Variants in MALRD1 observed in about 807,000 individuals in gnomAD.
The protein encoded by MALRD1 is MAM and LDL-receptor class A domain-containing protein 1.
A neutral mutation model predicts 242.1 loss-of-function variants in MALRD1; 247 were observed. That is an observed-to-expected ratio of 1.02 (90% confidence interval 0.92 to 1.13). The LOEUF (loss-of-function observed/expected upper bound fraction) is 1.13. Among genes scored for constraint, MALRD1 ranks in the 50% most tolerant of loss-of-function variants. The pLI is 0.00. For missense variants in MALRD1, 2,989 were observed against 2,533.1 expected (o/e 1.18, Z -3.86); for synonymous variants, 995 against 866.6 (o/e 1.15, Z -2.60).
chr10:19,191,219 C>A (rs144196950), intron 14 of MALRD1, among the ~76,000 whole-genome samples: 25 of 152,066 alleles, frequency 1.6e-4, no homozygotes, highest in East Asian at 7.7e-4. Flanking sequence ...AAAAGATGTC[C>A]AACATCACCA....
chr10:19,564,455 C>A (rs1022762519), intron 32 of MALRD1, among the ~76,000 whole-genome samples: 6 of 151,936 alleles, frequency 3.9e-5, no homozygotes, highest in African/African-American at 1.4e-4. Flanking sequence ...ATAACATAAA[C>A]TCTACTATAA....
In MALRD1 at chr10:19,674,651, A is replaced by G. The variant is rs1842061846; in HGVS notation, c.6138-17631A>G. ...CTTACTGGAAATAAGAGGCCAGAAT[A>G]TACATTTGAAAGGAAAAATTTTTCA... On this transcript the variant is annotated intron_variant, in intron 36 of 39. Coordinates refer to ENST00000454679, the MANE Select transcript of MALRD1 (RefSeq NM_001142308.3). Among the ~76,000 whole-genome samples the G allele has an allele frequency of 1.3e-5, 2 of 152,218 alleles. 1 individual carries two copies. Among genetic ancestry groups the G allele is most frequent in the South Asian group, 4.1e-4 (2 of 4,832 alleles).
intron 19 of MALRD1, among the ~76,000 whole-genome samples, chr10:19,276,482 A>G (rs1365776170): frequency 6.6e-6 from 1 of 152,142 alleles, no homozygotes; most frequent in Non-Finnish European, 1.5e-5. Flanking sequence ...CAACCTGGCC[A>G]TTGAATGTTT....
chr10:19,469,221 G>A (rs1444936167), intron 29 of MALRD1, among the ~76,000 whole-genome samples: 1 of 152,026 alleles, frequency 6.6e-6, no homozygotes, highest in African/African-American at 2.4e-5. Flanking sequence ...AAAATAAGAT[G>A]TTCCCCTTAG....
chr10:19,048,898 C>G lies in MALRD1; in HGVS notation c.-41C>G. On this transcript the variant is annotated 5_prime_UTR_variant, in exon 1 of 40. Coordinates refer to ENST00000454679, the MANE Select transcript of MALRD1 (RefSeq NM_001142308.3). ...AAGAATGTTTCCAATGATGGACTTA[C>G]TTATTACAACTGCTTGATCTCTAAT... The G allele has an allele frequency of 8.3e-7, 1 of 1,209,262 alleles. No homozygotes were observed. Among genetic ancestry groups the G allele is most frequent in the South Asian group, 4.2e-5 (1 of 23,888 alleles). The allele number at this position is 1,209,262 out of a possible 1,614,324, so 74.9% of individuals were successfully genotyped here. A position where few individuals can be genotyped will look rare whatever the true frequency, so the allele number is the denominator to read the frequency against.
intron 4 of MALRD1, among the ~76,000 whole-genome samples, chr10:19,096,829 G>T (rs991255046): frequency 1.3e-5 from 2 of 152,150 alleles, no homozygotes; most frequent in South Asian, 4.1e-4. Context: ...AGGCGATTTC[G>T]GTCCCAGCTG....
intron 2 of MALRD1, among the ~76,000 whole-genome samples, chr10:19,069,437 A>C (rs1018055972): frequency 2.0e-5 from 3 of 152,038 alleles, no homozygotes; most frequent in African/African-American, 7.2e-5. Context: ...AGCATTAAAA[A>C]TAGATTTAAA....
intron 18 of MALRD1, among the ~76,000 whole-genome samples, chr10:19,238,872 C>A (rs1838625273): frequency 6.6e-6 from 1 of 151,400 alleles, no homozygotes; most frequent in African/African-American, 2.4e-5. Flanking sequence ...TTCTCCACTT[C>A]CTTGCCAACT....
chr10:19,081,432 C>T (rs183154303), intron 2 of MALRD1, among the ~76,000 whole-genome samples: 4 of 152,086 alleles, frequency 2.6e-5, no homozygotes, highest in East Asian at 1.9e-4. Flanking sequence ...TTTTATGCAG[C>T]CATAAAAAGG....
Position 19,203,795 on chromosome 10 carries a change from C to T in MALRD1, c.2019C>T (p.Asp673=). Residue 673 remains aspartate (D), a synonymous_variant, in exon 15 of 40, where the codon GAC becomes GAT. Coordinates refer to ENST00000454679, the MANE Select transcript of MALRD1 (RefSeq NM_001142308.3). The part of the protein sequence containing the change: ...WFEAISGDHF[D]WIRSSQSELS... Reference sequence around the variant, plus strand: ...AAGCAATTAGTGGTGACCATTTTGACTGGATACGGAGCTCTCAGAGTGAAC... The same window carrying T: ...AAGCAATTAGTGGTGACCATTTTGATTGGATACGGAGCTCTCAGAGTGAAC... 1.9e-6 allele frequency: 3 copies of T among 1,550,596 alleles called. No individual in the cohort carries two copies. Among genetic ancestry groups the T allele is most frequent in the Non-Finnish European group, 2.6e-6 (3 of 1,146,918 alleles).
intron 33 of MALRD1, among the ~76,000 whole-genome samples, chr10:19,575,902 C>T (rs1164163208): frequency 6.6e-6 from 1 of 152,156 alleles, no homozygotes; most frequent in African/African-American, 2.4e-5. Context: ...ATATACAACT[C>T]CCAAATTAGT....
chr10:19,216,980 A>AT lies in MALRD1; in HGVS notation c.2991+7300_2991+7301insT, dbSNP rs376920885. ...AAAATAAAAATAAAATAAAATTAAA[A>AT]AAAATGATGTGGAGAGGCCAAACCA... On this transcript the variant is annotated intron_variant, in intron 18 of 39. Coordinates refer to ENST00000454679, the MANE Select transcript of MALRD1 (RefSeq NM_001142308.3). 2.6e-3 allele frequency among the ~76,000 whole-genome samples: 388 copies of AT among 149,042 alleles called. 3 individuals carry two copies. Among genetic ancestry groups the AT allele is most frequent in the African/African-American group, 9.1e-3 (368 of 40,556 alleles).
chr10:19,438,377 A>G (rs935038247), intron 28 of MALRD1, among the ~76,000 whole-genome samples: 3 of 152,196 alleles, frequency 2.0e-5, no homozygotes, highest in Non-Finnish European at 2.9e-5. Flanking sequence ...ACATTACATA[A>G]TGGATTATAT....
chr10:19,466,164 C>A (rs183631973), intron 29 of MALRD1, among the ~76,000 whole-genome samples: 33 of 152,156 alleles, frequency 2.2e-4, no homozygotes, highest in African/African-American at 7.9e-4. Context: ...CCAAGAATTT[C>A]TACTGAGCTG....
In MALRD1 at chr10:19,347,804, A is replaced by G. The variant is rs1480727220; in HGVS notation, c.3935A>G (p.Asp1312Gly). The change falls in exon 25 of 40, where the codon GAT (aspartate) becomes GGT (glycine). Residue 1312 changes from aspartate to glycine, a missense_variant. Transcript: ENST00000454679. The stretch of plus-strand genomic sequence containing the variant: ...AGTGGGCGCTGTGATTTCGAATTTG[A>G]TCTTTGTTCCTGGAAGCAGGAGAAA... Reference protein sequence around the residue: ...TSSGRCDFEFDLCSWKQEKDE... With the variant: ...TSSGRCDFEFGLCSWKQEKDE... The G allele has an allele frequency of 6.4e-7, 1 of 1,550,494 alleles. No individual in the cohort carries two copies. The highest frequency in any genetic ancestry group is 8.7e-7 in the Non-Finnish European group (1 of 1,146,856).
intron 31 of MALRD1, among the ~76,000 whole-genome samples, chr10:19,499,844 A>T (rs1589161033): frequency 6.6e-6 from 1 of 152,192 alleles, no homozygotes; most frequent in Non-Finnish European, 1.5e-5. Context: ...ATGCTATTCA[A>T]TTACAGTATG....
At chr10:19,431,065 A>T (rs906677252) in intron 28 of MALRD1, among the ~76,000 whole-genome samples, 4 of 152,128 alleles carry the variant, frequency 2.6e-5, no homozygotes, top group African/African-American at 9.7e-5. Flanking sequence ...TACATAGATA[A>T]ATGTGTGCCA....
chr10:19,353,191 G>C (rs1844473365), intron 26 of MALRD1, among the ~76,000 whole-genome samples: 1 of 151,866 alleles, frequency 6.6e-6, no homozygotes, highest in South Asian at 2.1e-4. Flanking sequence ...GTTTTTTGCA[G>C]AGATGGGGTC....
At chr10:19,068,199 G>T (rs2131247546) in intron 2 of MALRD1, among the ~76,000 whole-genome samples, 1 of 151,944 alleles carries the variant, frequency 6.6e-6, no homozygotes, top group East Asian at 1.9e-4. Context: ...TTTGTCGGTG[G>T]CTCTTACTGA....
Sources: allele counts gnomAD v4.1 joint callset (sites outside exome capture counted in the v4.1 genomes callset), GRCh38; gene constraint gnomAD v4.1.1; transcripts MANE v1.5; gene names NCBI Gene and HGNC (gene_info 2026-07-23, HGNC 2026-07-21).